Variants in TOX observed in about 807,000 individuals in gnomAD.
TOX encodes thymocyte selection associated high mobility group box.
A neutral mutation model predicts 53.7 loss-of-function variants in TOX; 11 were observed. The ratio of observed to expected loss-of-function variants is 0.20; its 90% CI spans 0.13 to 0.34. TOX has a LOEUF of 0.34. Ranked by LOEUF, TOX falls within the 10% of genes least tolerant of loss-of-function variation. The pLI is 1.00. For synonymous variants in TOX, 225 were observed against 245.3 expected (o/e 0.92, Z 0.77); for missense variants, 570 against 664.6 (o/e 0.86, Z 1.56).
chr8:59,026,602 T>C (rs1814243372), intron 1 of TOX, among the ~76,000 whole-genome samples: 1 of 152,140 alleles, frequency 6.6e-6, no homozygotes, highest in African/African-American at 2.4e-5. Flanking sequence ...CCACTATTAT[T>C]GTCAGTCCCA....
chr8:59,054,565 T>C (rs1324840176), intron 1 of TOX, among the ~76,000 whole-genome samples: 3 of 152,136 alleles, frequency 2.0e-5, no homozygotes, highest in African/African-American at 7.2e-5. Flanking sequence ...GAGACAAATA[T>C]ATTGTTTTAG....
At chr8:58,931,696 G>A (rs1052127821) in intron 3 of TOX, among the ~76,000 whole-genome samples, 1 of 152,118 alleles carries the variant, frequency 6.6e-6, no homozygotes, top group Non-Finnish European at 1.5e-5. Flanking sequence ...AAATGGTTTA[G>A]GTTTACTCCT....
Position 58,902,560 on chromosome 8 carries a change from G to A in TOX, c.411+36742C>T, listed in dbSNP as rs373822284. Reference sequence around the variant, plus strand: ...TCTCAAAATCTAGAACTTAGGTACTGCCTACTTTGCATTTGGCATCATGGA... The same window carrying A: ...TCTCAAAATCTAGAACTTAGGTACTACCTACTTTGCATTTGGCATCATGGA... On this transcript the variant is annotated intron_variant, in intron 3 of 8. Coordinates refer to ENST00000361421, the MANE Select transcript of TOX (RefSeq NM_014729.3). 8.5e-5 allele frequency among the ~76,000 whole-genome samples: 13 copies of A among 152,214 alleles called. No individual in the cohort carries two copies. The East Asian group carries it at 1.3e-3, about 16-fold the overall frequency.
chr8:58,884,905 G>C (rs1010156015), intron 3 of TOX, among the ~76,000 whole-genome samples: 1 of 152,010 alleles, frequency 6.6e-6, no homozygotes, highest in Non-Finnish European at 1.5e-5. Flanking sequence ...TTACCATTCT[G>C]AGCTAACACT....
intron 1 of TOX, among the ~76,000 whole-genome samples, chr8:59,023,711 CTTTCT>C (rs1814182016): frequency 6.6e-6 from 1 of 152,196 alleles, no homozygotes; most frequent in South Asian, 2.1e-4. Flanking sequence ...TTCTCTGAAT[CTTTCT>C]TTTCTCACCT....
chr8:58,945,116 G>A lies in TOX; in HGVS notation c.169-5572C>T, dbSNP rs185032701. On this transcript the variant is annotated intron_variant, in intron 2 of 8. Transcript: ENST00000361421. Reference sequence around the variant, plus strand: ...AGAGGCCCAACAACTTTGCTCCTTCGGGGAGCTCTGCTGGTGGGCCTGCAG... The same window carrying A: ...AGAGGCCCAACAACTTTGCTCCTTCAGGGAGCTCTGCTGGTGGGCCTGCAG... Among the ~76,000 whole-genome samples, 421 of 152,262 alleles carry A rather than the reference G, an allele frequency of 2.8e-3. 6 individuals carry two copies. Among genetic ancestry groups the A allele is most frequent in the Non-Finnish European group, 3.3e-3 (225 of 68,012 alleles).
chr8:59,056,753 C>A (rs1803896702), intron 1 of TOX, among the ~76,000 whole-genome samples: 1 of 152,160 alleles, frequency 6.6e-6, no homozygotes. Flanking sequence ...ATTGAAAAAA[C>A]CAACTGTGCA....
chr8:58,944,917 G>A (rs972689546), intron 2 of TOX, among the ~76,000 whole-genome samples: 1 of 152,186 alleles, frequency 6.6e-6, no homozygotes, highest in African/African-American at 2.4e-5. Flanking sequence ...GGAGAAAAGT[G>A]TAAACCCGTT....
At chr8:58,860,845 G>A (rs889935447) in intron 3 of TOX, among the ~76,000 whole-genome samples, 1 of 152,170 alleles carries the variant, frequency 6.6e-6, no homozygotes, top group Non-Finnish European at 1.5e-5. Context: ...ACATTTTAAC[G>A]TATAAAAAGG....
intron 1 of TOX, among the ~76,000 whole-genome samples, chr8:59,085,116 A>G (rs1804483034): frequency 6.6e-6 from 1 of 152,226 alleles, no homozygotes. Context: ...ATTACACTAT[A>G]GCACTTACCA....
At chr8:59,088,400 T>C (rs1007300200) in intron 1 of TOX, among the ~76,000 whole-genome samples, 2 of 152,192 alleles carry the variant, frequency 1.3e-5, no homozygotes, top group Non-Finnish European at 2.9e-5. Flanking sequence ...CAGACGTAAG[T>C]TTTTGAACCT....
intron 8 of TOX, 147 bp downstream of exon 8, chr8:58,807,971 C>G: frequency 8.0e-7 from 1 of 1,256,242 alleles, no homozygotes; most frequent in East Asian, 2.5e-5. Context: ...AGCTAGAAGA[C>G]TGCTTAACAA....
intron 3 of TOX, among the ~76,000 whole-genome samples, chr8:58,891,707 G>C (rs369397653): frequency 5.3e-5 from 8 of 152,310 alleles, no homozygotes; most frequent in Admixed American, 2.0e-4. Context: ...CTCCCTTGTT[G>C]AACTGAGAAG....
At chr8:59,046,163 T>C (rs1007281362) in intron 1 of TOX, among the ~76,000 whole-genome samples, 1 of 152,190 alleles carries the variant, frequency 6.6e-6, no homozygotes, top group Non-Finnish European at 1.5e-5. Flanking sequence ...CAATCATTCA[T>C]TGGACAATAA....
chr8:58,998,300 C>T (rs1451740136), intron 1 of TOX, among the ~76,000 whole-genome samples: 1 of 150,624 alleles, frequency 6.6e-6, no homozygotes, highest in Non-Finnish European at 1.5e-5. Flanking sequence ...ACCAGCCTGG[C>T]CAACATGGTG....
At chr8:58,906,696 A>G (rs1282844666) in intron 3 of TOX, among the ~76,000 whole-genome samples, 2 of 152,206 alleles carry the variant, frequency 1.3e-5, no homozygotes, top group Non-Finnish European at 2.9e-5. Context: ...CTACATCAAC[A>G]TTTTTATAAA....
At chr8:58,956,531 A>G (rs1812710328) in intron 2 of TOX, among the ~76,000 whole-genome samples, 1 of 152,218 alleles carries the variant, frequency 6.6e-6, no homozygotes, top group South Asian at 2.1e-4. Context: ...GTCATCTTGC[A>G]GTTACCTATT....
intron 6 of TOX, among the ~76,000 whole-genome samples, chr8:58,825,981 AT>A (rs1260910623): frequency 6.6e-6 from 1 of 152,184 alleles, no homozygotes; most frequent in Non-Finnish European, 1.5e-5. Flanking sequence ...GTTTACTGAA[AT>A]TTCTTATGCA....
intron 3 of TOX, among the ~76,000 whole-genome samples, chr8:58,913,659 A>AT (rs1289144438): frequency 6.6e-6 from 1 of 151,896 alleles, no homozygotes; most frequent in African/African-American, 2.4e-5. Flanking sequence ...AAAATTTTTT[A>AT]TTTTTTTACA....
Sources: allele counts gnomAD v4.1 joint callset (sites outside exome capture counted in the v4.1 genomes callset), GRCh38; gene constraint gnomAD v4.1.1; transcripts MANE v1.5; gene names NCBI Gene and HGNC (gene_info 2026-07-23, HGNC 2026-07-21).